SAMD12: variants seen among roughly 807,000 people sequenced by gnomAD.
SAMD12 encodes sterile alpha motif domain containing 12.
SAMD12 carries 9 observed loss-of-function variants against 15.0 expected under a neutral mutation model. The observed-to-expected ratio is 0.60, with a 90% CI of 0.36 to 1.05. The LOEUF (loss-of-function observed/expected upper bound fraction) is 1.05, where lower values mean the gene tolerates loss of function less well. Among genes scored for constraint, SAMD12 ranks in the 50% least tolerant of loss-of-function variants. The probability of loss-of-function intolerance (pLI) is 0.01; values close to 1 mark genes in which losing one functional copy is unlikely to be tolerated. For synonymous variants in SAMD12, 86 were observed against 90.1 expected (o/e 0.96, Z 0.25); for missense variants, 230 against 234.2 (o/e 0.98, Z 0.12).
chr8:118,484,137 G>C (rs1824210224), intron 2 of SAMD12, among the ~76,000 whole-genome samples: 1 of 152,160 alleles, frequency 6.6e-6, no homozygotes, highest in East Asian at 1.9e-4. Flanking sequence ...GAACATGGGA[G>C]CAGAGACATC....
chr8:118,242,201 C>T lies in SAMD12; in HGVS notation c.434-44469G>A, dbSNP rs184353721. Among the ~76,000 whole-genome samples the T allele has an allele frequency of 1.5e-3, 234 of 152,148 alleles. 1 individual carries two copies. Among genetic ancestry groups the T allele is most frequent in the Non-Finnish European group, 1.8e-3 (124 of 67,998 alleles). ...AAGTTCTGGAATTACAGGCTTGGCC[C>T]CATAAGTGTAAATAATAAAACTGTA... On this transcript the variant is annotated intron_variant, in intron 4 of 4. Transcript: ENST00000409003.
At chr8:118,533,102 T>A (rs1368576501) in intron 2 of SAMD12, among the ~76,000 whole-genome samples, 1 of 152,242 alleles carries the variant, frequency 6.6e-6, no homozygotes, top group Admixed American at 6.5e-5. Context: ...CTCTACACAC[T>A]GTTTTAAATG....
chr8:118,326,664 G>A (rs1816578226), intron 4 of SAMD12, among the ~76,000 whole-genome samples: 1 of 152,096 alleles, frequency 6.6e-6, no homozygotes, highest in African/African-American at 2.4e-5. Context: ...GTTTTATCCT[G>A]AGTATCAAAC....
At chr8:118,404,106 C>A (rs1181091688) in intron 3 of SAMD12, among the ~76,000 whole-genome samples, 1 of 152,166 alleles carries the variant, frequency 6.6e-6, no homozygotes, top group African/African-American at 2.4e-5. Flanking sequence ...TCTCAACCTC[C>A]CAAGTAGCTG....
At chr8:118,226,626 T>C (rs1422705418) in intron 4 of SAMD12, among the ~76,000 whole-genome samples, 3 of 152,206 alleles carry the variant, frequency 2.0e-5, no homozygotes, top group African/African-American at 7.2e-5. Context: ...TGTAAGAAGC[T>C]GGTAATACAA....
intron 4 of SAMD12, among the ~76,000 whole-genome samples, chr8:118,202,949 A>G (rs946522320): frequency 3.3e-5 from 5 of 152,206 alleles, no homozygotes; most frequent in African/African-American, 1.2e-4. Flanking sequence ...ATAGGCAGTT[A>G]CTCATTGAAT....
chr8:118,141,396 G>C, the SAMD12 span, among the ~76,000 whole-genome samples: 1 of 152,204 alleles, frequency 6.6e-6, no homozygotes, highest in Non-Finnish European at 1.5e-5. Flanking sequence ...AAGTTTGTGA[G>C]GATGATATGT....
At chr8:118,574,786 C>T (rs957669803) in intron 2 of SAMD12, among the ~76,000 whole-genome samples, 3 of 152,100 alleles carry the variant, frequency 2.0e-5, no homozygotes, top group Non-Finnish European at 4.4e-5. Context: ...AGAAGTACAT[C>T]CTCATTATGT....
chr8:118,498,377 G>A (rs921952805), intron 2 of SAMD12, among the ~76,000 whole-genome samples: 4 of 152,156 alleles, frequency 2.6e-5, no homozygotes, highest in East Asian at 1.9e-4. Flanking sequence ...TAATATACAC[G>A]AATATATTTT....
intron 1 of SAMD12, among the ~76,000 whole-genome samples, chr8:118,610,738 C>T (rs1308295414): frequency 6.6e-6 from 1 of 152,186 alleles, no homozygotes; most frequent in East Asian, 1.9e-4. Context: ...TGCTCATGGA[C>T]CAGAGATTAC....
rs554650151 is a variant in SAMD12, at chr8:118,398,167, C to T, written c.323-18467G>A. Among the ~76,000 whole-genome samples, 15 of 152,194 alleles carry T rather than the reference C, an allele frequency of 9.9e-5. No individual in the cohort carries two copies. In the East Asian group the frequency reaches 1.4e-3, roughly 14 times the overall value. On this transcript the variant is annotated intron_variant, in intron 3 of 3. Coordinates refer to ENST00000314727, the MANE Select transcript of SAMD12 (RefSeq NM_207506.3). Reference sequence around the variant, plus strand: ...CTATAATACCAGCACTTTGGGAGGCCGGGCAGATCATTTGAGGTCAGCACT... The same window carrying T: ...CTATAATACCAGCACTTTGGGAGGCTGGGCAGATCATTTGAGGTCAGCACT...
chr8:118,523,627 C>T (rs904585076), intron 2 of SAMD12, among the ~76,000 whole-genome samples: 1 of 152,162 alleles, frequency 6.6e-6, no homozygotes, highest in African/African-American at 2.4e-5. Flanking sequence ...CCTACAGCTA[C>T]TTAACTGAAA....
intron 4 of SAMD12, among the ~76,000 whole-genome samples, chr8:118,215,923 ATATGTGTG>A: frequency 6.6e-6 from 1 of 150,908 alleles, no homozygotes; most frequent in African/African-American, 2.4e-5. Context: ...CGCAATAAAC[ATATGTGTG>A]CATGTGTCTT....
chr8:118,531,555 C>T (rs2131120158), intron 2 of SAMD12, among the ~76,000 whole-genome samples: 1 of 152,278 alleles, frequency 6.6e-6, no homozygotes, highest in East Asian at 1.9e-4. Flanking sequence ...TCTTCCTAAC[C>T]ATGAGCATGG....
chr8:118,596,025 T>C (rs1422698559), intron 1 of SAMD12, among the ~76,000 whole-genome samples: 1 of 152,200 alleles, frequency 6.6e-6, no homozygotes, highest in East Asian at 1.9e-4. Context: ...TTAAACATGC[T>C]TAAGTGGTTT....
At chr8:118,506,506 T>C (rs530333876) in intron 2 of SAMD12, among the ~76,000 whole-genome samples, 91 of 152,238 alleles carry the variant, frequency 6.0e-4, no homozygotes, top group Non-Finnish European at 9.7e-4. Flanking sequence ...CTGGGATAGA[T>C]TGATCTTCCT....
At chr8:118,401,657 G>A (rs1820876724) in intron 3 of SAMD12, among the ~76,000 whole-genome samples, 1 of 151,532 alleles carries the variant, frequency 6.6e-6, no homozygotes, top group Admixed American at 6.6e-5. Flanking sequence ...TTACAGGTAC[G>A]AGCCACTGTG....
At position 118,464,702 on chromosome 8, in the gene SAMD12, GT is replaced by G. The variant is rs202176914; in HGVS notation, c.193-24742del. On this transcript the variant is annotated intron_variant, in intron 2 of 3. Coordinates refer to ENST00000314727, the MANE Select transcript of SAMD12 (RefSeq NM_207506.3). ...TCCTGTTACAGGCTCCTAGTGGGCC[GT>G]CCCCTTTAAAATTCAACTCTTTTTT... Among the ~76,000 whole-genome samples, 1,138 of 151,990 alleles carry G rather than the reference GT, an allele frequency of 7.5e-3. 5 individuals carry two copies. The highest frequency in any genetic ancestry group is 0.014 in the Middle Eastern group (4 of 294).
chr8:118,315,885 C>T (rs887618626), intron 4 of SAMD12, among the ~76,000 whole-genome samples: 1 of 152,074 alleles, frequency 6.6e-6, no homozygotes, highest in Admixed American at 6.6e-5. Context: ...CCAGGTTTCC[C>T]CCTGAGAGCT....
Sources: gnomAD v4.1 joint callset for allele counts (sites outside exome capture counted in the v4.1 genomes callset) on GRCh38, gnomAD v4.1.1 for gene constraint, MANE v1.5 for transcripts, NCBI Gene and HGNC (gene_info 2026-07-23, HGNC 2026-07-21) for gene names.